MBP: variants seen among roughly 807,000 people sequenced by gnomAD.
The protein encoded by MBP is Golli-MBP.
MBP carries 16 observed loss-of-function variants against 35.8 expected under a neutral mutation model. The ratio of observed to expected loss-of-function variants is 0.45; its 90% CI spans 0.30 to 0.68. The LOEUF is 0.68. Ranked by LOEUF, MBP falls within the 30% of genes least tolerant of loss-of-function variation. The pLI is 0.08. For synonymous variants in MBP, 143 were observed against 159.6 expected (o/e 0.90, Z 0.78); for missense variants, 380 against 404.7 (o/e 0.94, Z 0.52).
chr18:76,988,975 C>T lies in MBP; in HGVS notation c.682-63G>A, dbSNP rs766172233. ...CCCTGTGCCGCCGTCCATTTCCTAA[C>T]GGGCTCCTGCCTGCTGAGGGTGGCT... On this transcript the variant is annotated intron_variant, in intron 5 of 8. Coordinates refer to ENST00000355994, the MANE Select transcript of MBP (RefSeq NM_001025101.2). This position sits in a 1 kb window ranked among gnomAD's most constrained non-coding sequence, Gnocchi z 5.2. 2.0e-5 allele frequency: 30 copies of T among 1,516,246 alleles called. No homozygotes were observed. Among genetic ancestry groups the T allele is most frequent in the South Asian group, 2.2e-5 (2 of 89,168 alleles). The allele number at this position is 1,516,246 out of a possible 1,614,324, so 93.9% of individuals were successfully genotyped here.
intron 4 of MBP, chr18:77,003,353 A>T (rs558559223): frequency 6.6e-6 from 1 of 152,254 alleles, no homozygotes; most frequent in African/African-American, 2.4e-5. Context: ...GGCATTCGGG[A>T]CCTCTGCTGT....
intron 8 of MBP, chr18:76,980,849 T>C (rs1050213106): frequency 4.8e-6 from 1 of 207,878 alleles, no homozygotes; most frequent in Non-Finnish European, 9.9e-6. Flanking sequence ...CGAGGGGAAC[T>C]GCCAGCGACA....
Position 76,985,023 on chromosome 18 carries a change from G to A in MBP, c.751-129C>T. The A allele has an allele frequency of 2.6e-6, 4 of 1,515,486 alleles. 1 individual carries two copies. The highest frequency in any genetic ancestry group is 4.7e-5 in the East Asian group (2 of 42,974). 93.9% of individuals were successfully genotyped at this position (1,515,486 alleles called of 1,614,324 possible). On this transcript the variant is annotated intron_variant, in intron 7 of 8. Transcript: ENST00000355994. ...CGGACTGGACTGGTGAGTGGTTCAG[G>A]AGCCACGGGCCAGCACCACGCTGAG...
chr18:77,010,452 G>A (rs1971279651), intron 4 of MBP, among the ~76,000 whole-genome samples: 1 of 152,230 alleles, frequency 6.6e-6, no homozygotes. Context: ...TTCTGCATTG[G>A]ATTTACAGGT....
chr18:77,122,417 C>T (rs532182832), intron 1 of MBP, among the ~76,000 whole-genome samples: 13 of 152,144 alleles, frequency 8.5e-5, no homozygotes, highest in African/African-American at 2.9e-4. Flanking sequence ...GCTAGAGTCC[C>T]GAGAAGTCTC....
At chr18:77,090,146 G>A (rs953975509) in intron 2 of MBP, among the ~76,000 whole-genome samples, 2 of 152,194 alleles carry the variant, frequency 1.3e-5, no homozygotes, top group South Asian at 2.1e-4. Context: ...AAACGAAGGT[G>A]TAAACTGGCC....
intron 3 of MBP, among the ~76,000 whole-genome samples, chr18:77,049,479 G>C (rs1162946519): frequency 6.6e-6 from 1 of 152,104 alleles, no homozygotes; most frequent in African/African-American, 2.4e-5. Flanking sequence ...AGCTGAAATG[G>C]GACCCGGAAG....
At chr18:77,095,185 C>T (rs2282566) in intron 2 of MBP, among the ~76,000 whole-genome samples, 50,491 of 152,088 alleles carry the variant, frequency 0.33, 9,938 homozygotes, top group South Asian at 0.47. Context: ...AAAAGCCTGT[C>T]GGCACCCACA....
chr18:77,073,480 G>A (rs920256346), intron 2 of MBP, among the ~76,000 whole-genome samples: 3 of 152,198 alleles, frequency 2.0e-5, no homozygotes, highest in African/African-American at 7.2e-5. Context: ...GGAGCCATGC[G>A]AATGGGCCCA....
At position 77,044,540 on chromosome 18, in the gene MBP, C is replaced by G. The variant is rs981703998; in HGVS notation, c.139+21758G>C. 6.6e-6 allele frequency among the ~76,000 whole-genome samples: 1 copy of G among 152,140 alleles called. No homozygotes were observed. The highest frequency in any genetic ancestry group is 6.5e-5 in the Admixed American group (1 of 15,276). Reference sequence around the variant, plus strand: ...GTCCCTGGAAAGCCCTCTCCAGGGCCCTCGGCCTCGCTGTCTCACATCACT... The same window carrying G: ...GTCCCTGGAAAGCCCTCTCCAGGGCGCTCGGCCTCGCTGTCTCACATCACT... On this transcript the variant is annotated intron_variant, in intron 3 of 8. Coordinates refer to ENST00000355994, the MANE Select transcript of MBP (RefSeq NM_001025101.2). This position sits in a 1 kb window ranked among gnomAD's most constrained non-coding sequence, Gnocchi z 4.4.
intron 3 of MBP, among the ~76,000 whole-genome samples, chr18:77,049,077 G>C (rs1402243759): frequency 6.6e-6 from 1 of 151,888 alleles, no homozygotes; most frequent in African/African-American, 2.4e-5. Context: ...CTGCCACCAC[G>C]CCCGGCTAAT....
rs1430799563 is a variant in MBP, at chr18:77,013,265, T to C, written c.576+3567A>G. On this transcript the variant is annotated intron_variant, in intron 4 of 8. Transcript: ENST00000355994. The stretch of plus-strand genomic sequence containing the variant: ...TGGCTGGATCAGTTACCATGCAAGC[T>C]CACGATGAATGAGATTGAATTTGGT... 5 of 985,290 alleles carry C rather than the reference T, an allele frequency of 5.1e-6. No homozygotes were observed. The African/African-American group carries it at 8.7e-5, about 17-fold the overall frequency. 61.0% of individuals were successfully genotyped at this position (985,290 alleles called of 1,614,324 possible). A position where few individuals can be genotyped will look rare whatever the true frequency, so the allele number is the denominator to read the frequency against.
chr18:77,118,650 A>G (rs1229320351), intron 1 of MBP, among the ~76,000 whole-genome samples: 1 of 107,506 alleles, frequency 9.3e-6, no homozygotes, highest in East Asian at 3.4e-4. Flanking sequence ...TACACACCAC[A>G]CACACACACA....
At chr18:77,111,552 G>A (rs1030418375) in intron 1 of MBP, among the ~76,000 whole-genome samples, 1 of 152,260 alleles carries the variant, frequency 6.6e-6, no homozygotes, top group Non-Finnish European at 1.5e-5. Flanking sequence ...GAGGGCCCTG[G>A]TGTCGTGTGA....
rs61480664 is a variant in MBP, at chr18:77,014,924, ATTATTT to A, written c.576+1902_576+1907del. ...AAATTCCTAAAGCAATCATGTGAAA[ATTATTT>A]TTATTTTTAAAATTTTTGAAAGTGT... is the stretch of plus-strand genomic sequence containing the variant. On this transcript the variant is annotated intron_variant, in intron 4 of 8. Coordinates refer to ENST00000355994, the MANE Select transcript of MBP (RefSeq NM_001025101.2). 4,173 of 982,614 alleles carry A rather than the reference ATTATTT, an allele frequency of 4.2e-3. 129 individuals carry two copies. The African/African-American group carries it at 0.065, about 15-fold the overall frequency. 60.9% of individuals were successfully genotyped at this position (982,614 alleles called of 1,614,324 possible).
chr18:77,024,496 C>T (rs1448392852), intron 3 of MBP, among the ~76,000 whole-genome samples: 2 of 152,254 alleles, frequency 1.3e-5, no homozygotes, highest in African/African-American at 4.8e-5. Context: ...TTAAACTTTT[C>T]TGCTTTATCC....
At chr18:77,040,074 A>T (rs1352379400) in intron 3 of MBP, among the ~76,000 whole-genome samples, 1 of 152,212 alleles carries the variant, frequency 6.6e-6, no homozygotes, top group Non-Finnish European at 1.5e-5. Flanking sequence ...CAGTTACCTA[A>T]ACGAATATGC....
At chr18:77,068,434 G>A (rs1974297579) in intron 2 of MBP, among the ~76,000 whole-genome samples, 3 of 152,266 alleles carry the variant, frequency 2.0e-5, no homozygotes, top group East Asian at 1.9e-4. Context: ...CCTTTATGGG[G>A]AAGTCATCTT....
chr18:76,980,575 C>CT (rs1212867188), intron 8 of MBP, 104 bp from the exon 9 acceptor site: 2 of 830,254 alleles, frequency 2.4e-6, no homozygotes, highest in Non-Finnish European at 4.1e-6. Flanking sequence ...CATTGGGTGT[C>CT]TCTCTCATCT....
Sources: gnomAD v4.1 joint callset for allele counts (sites outside exome capture counted in the v4.1 genomes callset) on GRCh38, gnomAD v4.1.1 for gene constraint, Gnocchi (gnomAD v3.1) non-coding constraint, MANE v1.5 for transcripts, NCBI Gene and HGNC (gene_info 2026-07-23, HGNC 2026-07-21) for gene names.